NEGR1: variants seen among roughly 807,000 people sequenced by gnomAD.
The protein encoded by NEGR1 is neuronal growth regulator 1.
NEGR1 carries 10 observed loss-of-function variants against 40.9 expected under a neutral mutation model. The observed-to-expected ratio is 0.24, with a 90% CI of 0.15 to 0.42. NEGR1 has a LOEUF of 0.42. Ranked by LOEUF, NEGR1 falls within the 10% of genes least tolerant of loss-of-function variation. The probability of loss-of-function intolerance (pLI) is 1.00; values close to 1 mark genes in which losing one functional copy is unlikely to be tolerated. For synonymous variants in NEGR1, 185 were observed against 166.8 expected, an observed-to-expected ratio of 1.11 and a Z score of -0.84; for missense variants, 352 against 438.9, an observed-to-expected ratio of 0.80 and a Z score of 1.77.
intron 4 of NEGR1, among the ~76,000 whole-genome samples, chr1:71,618,534 C>G (rs867170510): frequency 2.0e-5 from 3 of 152,086 alleles, no homozygotes; most frequent in Non-Finnish European, 4.4e-5. Context: ...AAGCAACACA[C>G]TTCGGGTGCC....
intron 1 of NEGR1, among the ~76,000 whole-genome samples, chr1:72,131,765 C>T (rs1181892996): frequency 1.3e-5 from 2 of 152,124 alleles, no homozygotes; most frequent in Non-Finnish European, 2.9e-5. Flanking sequence ...CATTAGTGAA[C>T]CAATATATAC....
intron 1 of NEGR1, among the ~76,000 whole-genome samples, chr1:72,003,458 A>T (rs373487790): frequency 6.6e-6 from 1 of 152,140 alleles, no homozygotes; most frequent in East Asian, 1.9e-4. Context: ...AACACAAGAC[A>T]TAGGTGCAGG....
intron 1 of NEGR1, among the ~76,000 whole-genome samples, chr1:71,997,017 A>T (rs1165945659): frequency 6.6e-6 from 1 of 151,884 alleles, no homozygotes; most frequent in Non-Finnish European, 1.5e-5. Context: ...CCTTTTTTCA[A>T]TCTGTTTCTA....
At chr1:72,142,910 A>G (rs1325195805) in intron 1 of NEGR1, among the ~76,000 whole-genome samples, 1 of 151,836 alleles carries the variant, frequency 6.6e-6, no homozygotes, top group Non-Finnish European at 1.5e-5. Context: ...CTGATTATAT[A>G]TTTGCTTTGG....
At chr1:71,963,497 C>G (rs1458434895) in intron 1 of NEGR1, among the ~76,000 whole-genome samples, 3 of 152,248 alleles carry the variant, frequency 2.0e-5, no homozygotes, top group East Asian at 1.9e-4. Flanking sequence ...AAAGTATAAA[C>G]TCATAGAGGT....
intron 1 of NEGR1, among the ~76,000 whole-genome samples, chr1:71,990,130 T>G: frequency 6.6e-6 from 1 of 152,164 alleles, no homozygotes; most frequent in East Asian, 1.9e-4. Context: ...TCTCTGTGTA[T>G]CATACTGCTT....
intron 1 of NEGR1, among the ~76,000 whole-genome samples, chr1:72,054,915 A>C (rs953501889): frequency 6.6e-6 from 1 of 151,130 alleles, no homozygotes; most frequent in African/African-American, 2.4e-5. Context: ...ACTGCTAATT[A>C]TCCTGGGGGA....
chr1:71,983,175 G>T (rs1316081194), intron 1 of NEGR1, among the ~76,000 whole-genome samples: 2 of 152,116 alleles, frequency 1.3e-5, no homozygotes, highest in African/African-American at 4.8e-5. Context: ...TTGCCTGTTT[G>T]TTGTGGGTGA....
At chr1:72,252,714 T>C (rs1432476516) in intron 1 of NEGR1, among the ~76,000 whole-genome samples, 2 of 152,120 alleles carry the variant, frequency 1.3e-5, no homozygotes, top group African/African-American at 2.4e-5. Flanking sequence ...ATAGTTTCAA[T>C]GTAGTGTTTC....
At chr1:71,865,487 A>G (rs1299444466) in intron 2 of NEGR1, among the ~76,000 whole-genome samples, 1 of 152,204 alleles carries the variant, frequency 6.6e-6, no homozygotes, top group Non-Finnish European at 1.5e-5. Flanking sequence ...ATGCAGGAAC[A>G]GAAAACCAAA....
At chr1:72,256,425 A>G (rs544735299) in intron 1 of NEGR1, among the ~76,000 whole-genome samples, 48 of 152,332 alleles carry the variant, frequency 3.2e-4, no homozygotes, top group Middle Eastern at 3.4e-3. Flanking sequence ...TCTCAACAGA[A>G]GAAAACAAGA....
chr1:71,625,969 A>G (rs543345656), intron 4 of NEGR1, among the ~76,000 whole-genome samples: 2 of 152,098 alleles, frequency 1.3e-5, no homozygotes, highest in East Asian at 3.9e-4. Context: ...CAGTGGCAAC[A>G]TATTCTAATA....
chr1:71,977,180 G>T (rs539187563), intron 1 of NEGR1, among the ~76,000 whole-genome samples: 2 of 152,164 alleles, frequency 1.3e-5, no homozygotes, highest in African/African-American at 4.8e-5. Context: ...AAAAAAATTA[G>T]CTGGGCATGG....
chr1:72,134,908 T>G (rs1650393885), intron 1 of NEGR1, among the ~76,000 whole-genome samples: 1 of 151,062 alleles, frequency 6.6e-6, no homozygotes, highest in African/African-American at 2.4e-5. Context: ...CAGCTAATTT[T>G]GTATTTTTAG....
chr1:71,459,278 G>GA (rs1646697827), intron 6 of NEGR1, among the ~76,000 whole-genome samples: 1 of 151,914 alleles, frequency 6.6e-6, no homozygotes, highest in Non-Finnish European at 1.5e-5. Context: ...TAAGGAAAAA[G>GA]AAAAAAACAA....
intron 1 of NEGR1, among the ~76,000 whole-genome samples, chr1:71,970,455 T>C (rs2162238): frequency 0.12 from 18,323 of 152,122 alleles, 1,585 homozygotes; most frequent in East Asian, 0.43. Context: ...CTTTGAGAAG[T>C]TGAGGCAGAC....
intron 1 of NEGR1, among the ~76,000 whole-genome samples, chr1:71,941,087 T>A (rs1645954883): frequency 6.6e-6 from 1 of 152,204 alleles, no homozygotes; most frequent in Admixed American, 6.5e-5. Flanking sequence ...GTGAAAATAA[T>A]ATTCCTATGA....
At chr1:72,079,456 A>T (rs1003731758) in intron 1 of NEGR1, among the ~76,000 whole-genome samples, 1 of 152,088 alleles carries the variant, frequency 6.6e-6, no homozygotes, top group Non-Finnish European at 1.5e-5. Context: ...TGAATTTTTT[A>T]AAAATAGAAA....
intron 2 of NEGR1, among the ~76,000 whole-genome samples, chr1:71,788,226 C>T (rs1387736095): frequency 1.3e-5 from 2 of 151,858 alleles, no homozygotes; most frequent in African/African-American, 4.8e-5. Flanking sequence ...ATAGCAGAGT[C>T]CTATGGTTAC....
Sources: allele counts gnomAD v4.1 joint callset (sites outside exome capture counted in the v4.1 genomes callset), GRCh38; gene constraint gnomAD v4.1.1; transcripts MANE v1.5; gene names NCBI Gene and HGNC (gene_info 2026-07-23, HGNC 2026-07-21).